MME: variants seen among roughly 807,000 people sequenced by gnomAD.
MME encodes neprilysin.
Under a neutral mutation model 113.2 loss-of-function variants are expected in MME, and 98 were observed. That is an observed-to-expected ratio of 0.87 (90% CI 0.74 to 1.02). The LOEUF (loss-of-function observed/expected upper bound fraction) is 1.02. Ranked by LOEUF, MME falls within the 50% of genes least tolerant of loss-of-function variation. The pLI is 0.00. For synonymous variants in MME, 292 were observed against 300.6 expected, an observed-to-expected ratio of 0.97 and a Z score of 0.30; for missense variants, 836 against 896.0, an observed-to-expected ratio of 0.93 and a Z score of 0.86.
At chr3:155,128,413 TTC>T (rs1228271939) in intron 8 of MME, among the ~76,000 whole-genome samples, 4 of 152,198 alleles carry the variant, frequency 2.6e-5, no homozygotes, top group Non-Finnish European at 5.9e-5. Context: ...CCTTAAGTAT[TTC>T]TGTCTTGTGT....
chr3:155,044,479 T>C (rs539739060), intron 1 of MME, among the ~76,000 whole-genome samples: 2 of 152,214 alleles, frequency 1.3e-5, no homozygotes, highest in African/African-American at 4.8e-5. Context: ...GCAGCTTCTT[T>C]ACTGTTGAGA....
intron 3 of MME, among the ~76,000 whole-genome samples, chr3:155,100,203 A>G (rs1010243356): frequency 3.3e-5 from 5 of 152,226 alleles, no homozygotes; most frequent in African/African-American, 9.6e-5. Context: ...ACAAATTTAC[A>G]AGAAAAAAAC....
intron 16 of MME, among the ~76,000 whole-genome samples, chr3:155,156,058 A>G (rs1287641247): frequency 6.6e-6 from 1 of 152,190 alleles, no homozygotes; most frequent in Admixed American, 6.5e-5. Flanking sequence ...AGAGTACTTC[A>G]GTTATGTTAA....
intron 7 of MME, 61 bp downstream of exon 7, chr3:155,117,047 ATTG>A: frequency 1.1e-6 from 1 of 913,370 alleles, no homozygotes; most frequent in Non-Finnish European, 1.8e-6. Flanking sequence ...TTCCACATAC[ATTG>A]TTGTTATTGA....
intron 8 of MME, among the ~76,000 whole-genome samples, chr3:155,131,250 A>C (rs1440770830): frequency 6.6e-6 from 1 of 152,210 alleles, no homozygotes; most frequent in Non-Finnish European, 1.5e-5. Flanking sequence ...GAGCAGACCT[A>C]AGATAATCTT....
chr3:155,038,385 T>G (rs942103452), intron 1 of MME, among the ~76,000 whole-genome samples: 5 of 152,176 alleles, frequency 3.3e-5, no homozygotes, highest in African/African-American at 1.2e-4. Flanking sequence ...ACCCTGGCTC[T>G]GCTCACTAGT....
At chr3:155,033,125 T>A (rs1471585415) in intron 1 of MME, among the ~76,000 whole-genome samples, 1 of 152,202 alleles carries the variant, frequency 6.6e-6, no homozygotes, top group Non-Finnish European at 1.5e-5. Context: ...TTTCTGTCTC[T>A]TTTAGTCATT....
chr3:155,164,345 T>C (rs1353468797), intron 17 of MME, among the ~76,000 whole-genome samples: 4 of 152,188 alleles, frequency 2.6e-5, no homozygotes, highest in Non-Finnish European at 4.4e-5. Context: ...ACTTATTTAA[T>C]TAACTAACTT....
chr3:155,109,882 C>G (rs555730648), intron 3 of MME, among the ~76,000 whole-genome samples: 1 of 152,186 alleles, frequency 6.6e-6, no homozygotes. Flanking sequence ...AGGCAGGAAC[C>G]CTGCTACATG....
chr3:155,072,892 T>G (rs1714628115), intron 1 of MME, among the ~76,000 whole-genome samples: 2 of 152,256 alleles, frequency 1.3e-5, no homozygotes, highest in African/African-American at 4.8e-5. Flanking sequence ...AAAAACTATG[T>G]TGGCCTCTCA....
At chr3:155,098,681 T>C (rs1009641083) in intron 3 of MME, among the ~76,000 whole-genome samples, 3 of 152,006 alleles carry the variant, frequency 2.0e-5, no homozygotes, top group Admixed American at 6.6e-5. Context: ...AAGATTCTTA[T>C]TGGAGAGGGG....
At chr3:155,034,898 A>G (rs551734132) in intron 1 of MME, among the ~76,000 whole-genome samples, 6 of 152,338 alleles carry the variant, frequency 3.9e-5, no homozygotes, top group South Asian at 2.1e-4. Flanking sequence ...AATTCAATCA[A>G]TTAGTGGTGG....
At chr3:155,064,801 T>C (rs1034965354) in intron 1 of MME, among the ~76,000 whole-genome samples, 3 of 152,212 alleles carry the variant, frequency 2.0e-5, no homozygotes, top group Non-Finnish European at 4.4e-5. Flanking sequence ...CTGAAATCAA[T>C]GTGCTGGCAG....
intron 1 of MME, among the ~76,000 whole-genome samples, chr3:155,046,706 A>G (rs1325057239): frequency 6.6e-6 from 1 of 152,150 alleles, no homozygotes; most frequent in Non-Finnish European, 1.5e-5. Flanking sequence ...AAGAAAAAGA[A>G]AAACAGTTTC....
chr3:155,110,790 G>A (rs962189109), intron 3 of MME, among the ~76,000 whole-genome samples: 15 of 152,020 alleles, frequency 9.9e-5, no homozygotes, highest in East Asian at 5.8e-4. Context: ...TAATCCCTCC[G>A]CCCAGATCTA....
At chr3:155,174,121 T>C (rs913833272) in intron 22 of MME, among the ~76,000 whole-genome samples, 1 of 152,152 alleles carries the variant, frequency 6.6e-6, no homozygotes, top group Non-Finnish European at 1.5e-5. Flanking sequence ...TCATTTCTTA[T>C]GTTCTGCACA....
intron 1 of MME, among the ~76,000 whole-genome samples, chr3:155,055,129 A>G (rs1057228417): frequency 6.6e-6 from 1 of 152,240 alleles, no homozygotes; most frequent in African/African-American, 2.4e-5. Context: ...AAATATGTTC[A>G]TAGCATTTCC....
At chr3:155,064,239 A>G (rs1391000945) in intron 1 of MME, among the ~76,000 whole-genome samples, 1 of 152,146 alleles carries the variant, frequency 6.6e-6, no homozygotes, top group Non-Finnish European at 1.5e-5. Flanking sequence ...CAGTGAGCCG[A>G]GATCCTGCCA....
At chr3:155,131,785 G>A (rs1006341779) in intron 8 of MME, among the ~76,000 whole-genome samples, 1 of 152,136 alleles carries the variant, frequency 6.6e-6, no homozygotes, top group African/African-American at 2.4e-5. Context: ...ATGGCTGTGT[G>A]ACTATATGTT....
Sources: gnomAD v4.1 joint callset for allele counts (sites outside exome capture counted in the v4.1 genomes callset) on GRCh38, gnomAD v4.1.1 for gene constraint, MANE v1.5 for transcripts, NCBI Gene and HGNC (gene_info 2026-07-23, HGNC 2026-07-21) for gene names.